The following PGAP4 variants were observed in gnomAD, a reference collection of about 807,000 sequenced individuals.
PGAP4 encodes GPI-N-acetylgalactosamine transferase PGAP4.
A neutral mutation model predicts 28.2 loss-of-function variants in PGAP4; 12 were observed. The ratio of observed to expected loss-of-function variants is 0.42; its 90% CI spans 0.27 to 0.69. The LOEUF (loss-of-function observed/expected upper bound fraction) is 0.69. Among genes scored for constraint, PGAP4 ranks in the 30% least tolerant of loss-of-function variants. The pLI is 0.22. For synonymous variants in PGAP4, 205 were observed against 211.8 expected (o/e 0.97, Z 0.28); for missense variants, 425 against 513.5 (o/e 0.83, Z 1.67).
At chr9:101,489,230 AAAG>A (rs1230132570), upstream of PGAP4, 1 of 152,226 alleles carries the variant, frequency 6.6e-6, no homozygotes, top group African/African-American at 2.4e-5. Flanking sequence ...AATAGAAAAA[AAAG>A]AAGAATAATA....
Position 101,475,895 on chromosome 9 carries a change from G to T in PGAP4, c.1198C>A (p.Pro400Thr). The change falls in exon 2 of 2, where the codon CCC becomes ACC. Residue 400 changes from proline to threonine, a missense_variant. Transcript: ENST00000374848. ...CTCTTGGCACCCTAGAGGAGACTGGGATGAAAGTTGTACCGGAGACTGGAG... is the reference window on the plus strand; with the variant it reads ...CTCTTGGCACCCTAGAGGAGACTGGTATGAAAGTTGTACCGGAGACTGGAG... ...LFSSLRYNFHPSLL is the reference protein window; with the variant it reads ...LFSSLRYNFHTSLL 1 of 1,614,088 alleles carries T rather than the reference G, an allele frequency of 6.2e-7. No individual in the cohort carries two copies.
At chr9:101,513,547 G>A (rs1206223603) in intron 2 of PGAP4, among the ~76,000 whole-genome samples, 1 of 152,160 alleles carries the variant, frequency 6.6e-6, no homozygotes, top group Non-Finnish European at 1.5e-5. Flanking sequence ...CCCTGTTGTA[G>A]CTACAATGCC....
chr9:101,512,658 T>C (rs1469006189), intron 2 of PGAP4, among the ~76,000 whole-genome samples: 1 of 152,138 alleles, frequency 6.6e-6, no homozygotes, highest in African/African-American at 2.4e-5. Flanking sequence ...CAAATGTCTA[T>C]ATAGGGACTT....
At chr9:101,532,560 T>C (rs1402189115) in intron 1 of PGAP4, 2 of 152,202 alleles carry the variant, frequency 1.3e-5, no homozygotes, top group Non-Finnish European at 2.9e-5. Context: ...AACCATTACT[T>C]GCCATTCAGT....
At chr9:101,506,839 A>G (rs1356594936) in intron 2 of PGAP4, among the ~76,000 whole-genome samples, 1 of 152,128 alleles carries the variant, frequency 6.6e-6, no homozygotes, top group Non-Finnish European at 1.5e-5. Context: ...TAATTATATC[A>G]TGTACCAATC....
At chr9:101,520,490 G>A (rs1344032713) in intron 2 of PGAP4, among the ~76,000 whole-genome samples, 1 of 152,262 alleles carries the variant, frequency 6.6e-6, no homozygotes, top group East Asian at 1.9e-4. Flanking sequence ...TTGTAAAAGT[G>A]GTTGAGTCCT....
intron 2 of PGAP4, among the ~76,000 whole-genome samples, chr9:101,530,240 C>G (rs1014687208): frequency 2.0e-5 from 3 of 152,222 alleles, no homozygotes; most frequent in Non-Finnish European, 2.9e-5. Flanking sequence ...ATGCGCAGTA[C>G]TGTGCAACCA....
At position 101,477,921 on chromosome 9, in the gene PGAP4, G is replaced by GC. The variant is rs201427418; in HGVS notation, c.-77-753_-77-752insG. On this transcript the variant is annotated intron_variant, in intron 1 of 1. Transcript: ENST00000374848. ...ATGAGTAGCTTTTCAATGAGGGAGC[G>GC]GGGGGGGAAAGGCAGAGGTGAATAT... 3.5e-3 allele frequency among the ~76,000 whole-genome samples: 407 copies of GC among 116,190 alleles called. 1 individual carries two copies. Among genetic ancestry groups the GC allele is most frequent in the Middle Eastern group, 8.0e-3 (2 of 250 alleles). 76.2% of individuals were successfully genotyped at this position (116,190 alleles called of 152,430 possible).
Position 101,487,088 on chromosome 9 carries a change from C to G in PGAP4, c.-217G>C, listed in dbSNP as rs1339542300. Reference sequence around the variant, plus strand: ...GGCGCAGCGCGGTTTGGGTGTGCGCCGGAGCCTCACCTCCTCCCGCCTCGC... The same window carrying G: ...GGCGCAGCGCGGTTTGGGTGTGCGCGGGAGCCTCACCTCCTCCCGCCTCGC... On this transcript the variant is annotated 5_prime_UTR_variant, in exon 1 of 2. Coordinates refer to ENST00000374848, the MANE Select transcript of PGAP4 (RefSeq NM_032342.3). 1 of 152,302 alleles carries G rather than the reference C, an allele frequency of 6.6e-6. No individual in the cohort carries two copies. Among genetic ancestry groups the G allele is most frequent in the South Asian group, 2.1e-4 (1 of 4,838 alleles). The allele number at this position is 152,302 out of a possible 1,614,324, so 9.4% of individuals were successfully genotyped here.
intron 2 of PGAP4, among the ~76,000 whole-genome samples, chr9:101,519,444 C>A (rs1487350067): frequency 6.6e-6 from 1 of 152,116 alleles, no homozygotes; most frequent in Non-Finnish European, 1.5e-5. Flanking sequence ...CAGGCATGTG[C>A]CACCATTCCT....
At chr9:101,511,022 G>A (rs1197921224) in intron 2 of PGAP4, among the ~76,000 whole-genome samples, 1 of 152,128 alleles carries the variant, frequency 6.6e-6, no homozygotes, top group South Asian at 2.1e-4. Context: ...ATCTGTATTT[G>A]CAGCTGCTCC....
chr9:101,476,700 T>G lies in PGAP4; in HGVS notation c.393A>C (p.Gln131His). The change falls in exon 2 of 2, where the codon CAA (glutamine) becomes CAC (histidine). Residue 131 changes from glutamine (Q) to histidine (H), a missense_variant. Physicochemically the swap from Gln to His is conservative, Grantham distance 24. Coordinates refer to ENST00000374848, the MANE Select transcript of PGAP4 (RefSeq NM_032342.3). The surrounding 1 kb of genome is among the most constrained non-coding windows in gnomAD (Gnocchi z 7.0). ...VVSQFHRLLQ[Q>H]CGPQCEGHQL... is the part of the protein sequence containing the mutation. Reference sequence around the variant, plus strand: ...GGTGCCCCTCGCACTGGGGGCCACATTGCTGAAGAAGCCGGTGGAACTGGG... The same window carrying G: ...GGTGCCCCTCGCACTGGGGGCCACAGTGCTGAAGAAGCCGGTGGAACTGGG... 6.2e-7 allele frequency: 1 copy of G among 1,614,126 alleles called. No individual in the cohort carries two copies. Among genetic ancestry groups the G allele is most frequent in the Non-Finnish European group, 8.5e-7 (1 of 1,180,030 alleles).
chr9:101,505,679 G>T (rs1161388235), intron 2 of PGAP4, among the ~76,000 whole-genome samples: 1 of 152,044 alleles, frequency 6.6e-6, no homozygotes, highest in African/African-American at 2.4e-5. Flanking sequence ...TAGAGTTAAA[G>T]AATTTTCCAA....
chr9:101,485,115 A>G (rs763471809), intron 1 of PGAP4, among the ~76,000 whole-genome samples: 16 of 152,040 alleles, frequency 1.1e-4, no homozygotes, highest in Non-Finnish European at 2.1e-4. Context: ...TAAATGATGT[A>G]TATATATATC....
At chr9:101,530,835 G>T (rs1351166946) in intron 2 of PGAP4, among the ~76,000 whole-genome samples, 1 of 152,226 alleles carries the variant, frequency 6.6e-6, no homozygotes. Context: ...CTGGGCCACT[G>T]TGCCCAAATA....
rs112915526 is a variant in PGAP4, at chr9:101,525,720, A to G, written c.-165+5628T>C. ...GTCTCAAAAAAAAAAAAAAAAAAAA[A>G]AGAGAGAGAGAGAGAGAAAATAAAT... On this transcript the variant is annotated intron_variant, in intron 2 of 3. Coordinates refer to the PGAP4 transcript ENST00000374851. Among the ~76,000 whole-genome samples, 1,361 of 148,198 alleles carry G rather than the reference A, an allele frequency of 9.2e-3. 17 individuals carry two copies. The highest frequency in any genetic ancestry group is 0.032 in the African/African-American group (1,264 of 39,122).
intron 2 of PGAP4, among the ~76,000 whole-genome samples, chr9:101,526,158 C>T (rs1302785333): frequency 6.6e-6 from 1 of 152,186 alleles, no homozygotes; most frequent in Non-Finnish European, 1.5e-5. Flanking sequence ...CATCTCCTTG[C>T]TGTTCTTCTA....
chr9:101,511,756 G>A lies in PGAP4; in HGVS notation c.-165+19592C>T, dbSNP rs1032916859. Among the ~76,000 whole-genome samples the A allele has an allele frequency of 2.6e-5, 4 of 152,148 alleles. No homozygotes were observed. In the South Asian group the frequency reaches 6.2e-4, roughly 24 times the overall value. Reference sequence around the variant, plus strand: ...AGTCTGTTTCTGTTCTTCCTGGGATGACTCCTGTCCATCAGGCCCATCTGA... The same window carrying A: ...AGTCTGTTTCTGTTCTTCCTGGGATAACTCCTGTCCATCAGGCCCATCTGA... On this transcript the variant is annotated intron_variant, in intron 2 of 3. Transcript: ENST00000374851.
chr9:101,488,538 G>T (rs1175983641), upstream of PGAP4, among the ~76,000 whole-genome samples: 1 of 152,110 alleles, frequency 6.6e-6, no homozygotes, highest in Non-Finnish European at 1.5e-5. Flanking sequence ...GTTTACATGA[G>T]ATAATGTATA....
Sources: gnomAD v4.1 joint callset for allele counts (sites outside exome capture counted in the v4.1 genomes callset) on GRCh38, gnomAD v4.1.1 for gene constraint, Gnocchi (gnomAD v3.1) non-coding constraint, MANE v1.5 for transcripts, NCBI Gene and HGNC (gene_info 2026-07-23, HGNC 2026-07-21) for gene names.